KCNN2: variants seen among roughly 807,000 people sequenced by gnomAD.
KCNN2 encodes potassium calcium-activated channel subfamily N member 2, also known as small conductance calcium-activated potassium channel protein 2.
KCNN2 carries 24 observed loss-of-function variants against 55.5 expected under a neutral mutation model. The ratio of observed to expected loss-of-function variants is 0.43; its 90% CI spans 0.31 to 0.61. KCNN2 has a LOEUF of 0.61. KCNN2 is among the 20% of genes least tolerant of loss of function. KCNN2 has a pLI of 0.08. For missense variants in KCNN2, 754 were observed against 853.6 expected, an observed-to-expected ratio of 0.88 and a Z score of 1.45; for synonymous variants, 431 against 336.1, an observed-to-expected ratio of 1.28 and a Z score of -3.09.
intron 2 of KCNN2, among the ~76,000 whole-genome samples, chr5:114,329,610 T>C (rs987106906): frequency 6.6e-6 from 1 of 152,152 alleles, no homozygotes; most frequent in Admixed American, 6.5e-5. Context: ...GTTTTGAGGT[T>C]TGGGGACTCA....
chr5:114,130,928 A>G (rs1236962199), intron 1 of KCNN2, among the ~76,000 whole-genome samples: 1 of 152,202 alleles, frequency 6.6e-6, no homozygotes, highest in Non-Finnish European at 1.5e-5. Flanking sequence ...CAGATAGCTC[A>G]GAGAATTTGG....
chr5:114,172,288 G>A (rs1036200898), intron 1 of KCNN2, among the ~76,000 whole-genome samples: 3 of 151,854 alleles, frequency 2.0e-5, no homozygotes, highest in Non-Finnish European at 4.4e-5. Context: ...TATTAACAAA[G>A]AAGGTAGGAA....
intron 2 of KCNN2, among the ~76,000 whole-genome samples, chr5:114,377,589 G>A (rs933463679): frequency 3.9e-5 from 6 of 152,138 alleles, no homozygotes; most frequent in Non-Finnish European, 5.9e-5. Flanking sequence ...CAAGAGGACA[G>A]TGTAAGGGAA....
At chr5:114,486,693 T>C (rs1747556639) in intron 5 of KCNN2, 3 of 1,273,054 alleles carry the variant, frequency 2.4e-6, no homozygotes, top group Admixed American at 2.3e-5. Context: ...TTTGTCTTTC[T>C]GCAGGGAAAG....
At chr5:114,153,839 G>A (rs1317443491) in intron 1 of KCNN2, among the ~76,000 whole-genome samples, 4 of 152,212 alleles carry the variant, frequency 2.6e-5, no homozygotes, top group African/African-American at 9.6e-5. Flanking sequence ...ATCCACGGGA[G>A]TGAGGAGACT....
intron 1 of KCNN2, among the ~76,000 whole-genome samples, chr5:114,171,964 G>C (rs1753042130): frequency 6.6e-6 from 1 of 151,844 alleles, no homozygotes; most frequent in Non-Finnish European, 1.5e-5. Context: ...GAGCCCTCTT[G>C]TTGTGATAAA....
chr5:114,407,984 C>T (rs1286433977), intron 3 of KCNN2, among the ~76,000 whole-genome samples: 1 of 152,212 alleles, frequency 6.6e-6, no homozygotes, highest in African/African-American at 2.4e-5. Flanking sequence ...GTGTGTCTAA[C>T]TGCCTCTATG....
At chr5:114,217,171 A>G (rs541422947) in intron 1 of KCNN2, among the ~76,000 whole-genome samples, 1 of 152,242 alleles carries the variant, frequency 6.6e-6, no homozygotes, top group African/African-American at 2.4e-5. Context: ...TCATCAATAC[A>G]TCATTCAACT....
chr5:114,154,203 C>G (rs1752582613), intron 1 of KCNN2, among the ~76,000 whole-genome samples: 1 of 151,982 alleles, frequency 6.6e-6, no homozygotes, highest in South Asian at 2.1e-4. Flanking sequence ...GAGATGAAAA[C>G]AAGAGACTGA....
At chr5:114,431,097 A>C (rs1023290362) in intron 3 of KCNN2, among the ~76,000 whole-genome samples, 1 of 152,018 alleles carries the variant, frequency 6.6e-6, no homozygotes, top group Admixed American at 6.5e-5. Context: ...TCCTGGCTTT[A>C]TACAATGAGT....
chr5:114,107,119 C>A (rs974607964), intron 1 of KCNN2, among the ~76,000 whole-genome samples: 5 of 152,044 alleles, frequency 3.3e-5, no homozygotes, highest in African/African-American at 1.2e-4. Context: ...ATATGATTAT[C>A]CAATTAATCA....
chr5:114,370,125 C>T (rs1757719228), intron 2 of KCNN2, among the ~76,000 whole-genome samples: 2 of 152,108 alleles, frequency 1.3e-5, no homozygotes, highest in Non-Finnish European at 1.5e-5. Context: ...CTAGAAAACA[C>T]ATGGAGGGAT....
chr5:114,423,967 T>A (rs1245153424), intron 3 of KCNN2, among the ~76,000 whole-genome samples: 3 of 152,142 alleles, frequency 2.0e-5, no homozygotes, highest in Non-Finnish European at 4.4e-5. Flanking sequence ...TGTGTCCAAG[T>A]GAAGAATTTA....
At chr5:114,458,190 A>G (rs1406624465) in intron 3 of KCNN2, among the ~76,000 whole-genome samples, 1 of 152,222 alleles carries the variant, frequency 6.6e-6, no homozygotes, top group Non-Finnish European at 1.5e-5. Context: ...TTACATCTCC[A>G]TAATACTTCT....
chr5:114,221,293 A>C (rs920885121), intron 1 of KCNN2, among the ~76,000 whole-genome samples: 7 of 152,240 alleles, frequency 4.6e-5, no homozygotes, highest in African/African-American at 1.7e-4. Context: ...ATTTTCTACA[A>C]AATAGCAATA....
At position 114,362,585 on chromosome 5, in the gene KCNN2, A is replaced by G; in HGVS notation, c.446A>G (p.Gln149Arg). Residue 149 changes from glutamine (Q) to arginine (R), a missense_variant, in exon 1 of 8, where the codon CAG becomes CGG. Transcript: ENST00000673685. ...CAGCAGTACGCGCAGCAGTCCGCGC[A>G]GCAGTCGGCGTCCGCCTCCCAGTAC... is the stretch of plus-strand genomic sequence containing the variant. ...LRQQYAQQSA[Q>R]QSASASQYHQ... is the part of the protein sequence containing the mutation. 4 of 720,448 alleles carry G rather than the reference A, an allele frequency of 5.6e-6. No homozygotes were observed. The highest frequency in any genetic ancestry group is 8.7e-6 in the Non-Finnish European group (4 of 461,822). 44.6% of individuals were successfully genotyped at this position (720,448 alleles called of 1,614,324 possible). A position where few individuals can be genotyped will look rare whatever the true frequency, so the allele number is the denominator to read the frequency against.
intron 3 of KCNN2, among the ~76,000 whole-genome samples, chr5:114,445,683 G>A (rs971691048): frequency 1.3e-4 from 20 of 152,102 alleles, no homozygotes; most frequent in Non-Finnish European, 1.2e-4. Flanking sequence ...TGCTAGTATT[G>A]CTATCAATAT....
At chr5:114,116,423 C>G (rs1213803806) in intron 1 of KCNN2, among the ~76,000 whole-genome samples, 1 of 152,108 alleles carries the variant, frequency 6.6e-6, no homozygotes, top group Non-Finnish European at 1.5e-5. Context: ...AAGTACACTA[C>G]TATTTTCTTG....
At chr5:114,103,980 G>A (rs1751426971) in intron 1 of KCNN2, among the ~76,000 whole-genome samples, 1 of 152,104 alleles carries the variant, frequency 6.6e-6, no homozygotes, top group African/African-American at 2.4e-5. Context: ...CTATTGCTTG[G>A]AATAGTTTCA....
Sources: gnomAD v4.1 joint callset for allele counts (sites outside exome capture counted in the v4.1 genomes callset) on GRCh38, gnomAD v4.1.1 for gene constraint, MANE v1.5 for transcripts, NCBI Gene and HGNC (gene_info 2026-07-23, HGNC 2026-07-21) for gene names.